LYRM2: variants seen among roughly 807,000 people sequenced by gnomAD.
LYRM2 encodes LYR motif containing 2.
Under a neutral mutation model 11.6 loss-of-function variants are expected in LYRM2, and 8 were observed. The ratio of observed to expected loss-of-function variants is 0.69; its 90% CI spans 0.40 to 1.24. LYRM2 has a LOEUF of 1.24. LYRM2 is among the 50% of genes most tolerant of loss of function. The pLI, the probability that LYRM2 is intolerant of heterozygous loss-of-function variation, is 0.01. For synonymous variants in LYRM2, 30 were observed against 36.4 expected, an observed-to-expected ratio of 0.83 and a Z score of 0.63; for missense variants, 117 against 102.9, an observed-to-expected ratio of 1.14 and a Z score of -0.59.
chr6:89,637,980 T>G (rs527647342), intron 1 of LYRM2, 98 bp from the exon 2 acceptor site: 1 of 1,240,940 alleles, frequency 8.1e-7, no homozygotes, highest in Non-Finnish European at 1.1e-6. Context: ...GTACTTCTCG[T>G]TGGTCAATTT....
Position 89,637,852 on chromosome 6 carries a change from AGAG to A in LYRM2, c.73_75del (p.Leu25del), listed in dbSNP as rs764905689. The A allele has an allele frequency of 1.7e-5, 27 of 1,614,026 alleles. No homozygotes were observed. Among genetic ancestry groups the A allele is most frequent in the African/African-American group, 2.7e-5 (2 of 74,930 alleles). On this transcript the variant is annotated inframe_deletion, in exon 2 of 3. Coordinates refer to ENST00000523377, the MANE Select transcript of LYRM2 (RefSeq NM_020466.5). ...CGAATTGTTTGCAAAATCCTTCTGT[AGAG>A]GAGAAGAACTTGTTGCCTTCTTACG...
chr6:89,638,543 C>T, intron 1 of LYRM2, 129 bp downstream of exon 1: 1 of 1,577,912 alleles, frequency 6.3e-7, no homozygotes, highest in Non-Finnish European at 8.6e-7. Context: ...CCGCAGGCAT[C>T]GGGCCAATCT....
chr6:89,636,180 T>G lies in LYRM2; in HGVS notation c.*1093A>C, dbSNP rs1807997574. 1.3e-5 allele frequency: 2 copies of G among 152,218 alleles called. No individual in the cohort carries two copies. Among genetic ancestry groups the G allele is most frequent in the Admixed American group, 1.3e-4 (2 of 15,282 alleles). The allele number at this position is 152,218 out of a possible 1,614,324, so 9.4% of individuals were successfully genotyped here. On this transcript the variant is annotated 3_prime_UTR_variant, in exon 3 of 3. Transcript: ENST00000523377. The stretch of plus-strand genomic sequence containing the variant: ...TACAATTCATACCTTACATTTAAAA[T>G]GTACAGTTCAGTGGATTTGAATATA...
intron 2 of LYRM2, 79 bp downstream of exon 2, chr6:89,637,663 G>A: frequency 7.0e-7 from 1 of 1,424,436 alleles, no homozygotes; most frequent in Non-Finnish European, 9.6e-7. Context: ...ATTCCAAGAT[G>A]TCTGCTAAAC....
Position 89,638,732 on chromosome 6 carries a change from G to T in LYRM2, c.-16C>A, listed in dbSNP as rs772691828. On this transcript the variant is annotated 5_prime_UTR_variant, in exon 1 of 3. Transcript: ENST00000523377. Reference sequence around the variant, plus strand: ...AAGCAGCCATGTCCACCAGAGGTCCGCCGGAGCCTCAGCGCGCAGGAGCGG... The same window carrying T: ...AAGCAGCCATGTCCACCAGAGGTCCTCCGGAGCCTCAGCGCGCAGGAGCGG... 1.9e-6 allele frequency: 3 copies of T among 1,613,840 alleles called. No homozygotes were observed. In the East Asian group the frequency reaches 6.7e-5, roughly 36 times the overall value.
At position 89,633,053 on chromosome 6, in the gene LYRM2, T is replaced by G. The variant is rs1190662513; in HGVS notation, c.*4220A>C. 5 of 152,320 alleles carry G rather than the reference T, an allele frequency of 3.3e-5. No individual in the cohort carries two copies. Among genetic ancestry groups the G allele is most frequent in the Admixed American group, 3.3e-4 (5 of 15,300 alleles). 9.4% of individuals were successfully genotyped at this position (152,320 alleles called of 1,614,324 possible). A position where few individuals can be genotyped will look rare whatever the true frequency, so the allele number is the denominator to read the frequency against. On this transcript the variant is annotated 3_prime_UTR_variant, in exon 3 of 3. Transcript: ENST00000523377. ...GAGTGCTTTGGTGGGAGTATTTTGA[T>G]TACCTCCTACCCATCAGAAGCAGGC...
In LYRM2 at chr6:89,634,327, G is replaced by A. The variant is rs1375620946; in HGVS notation, c.*2946C>T. The A allele has an allele frequency of 5.9e-5, 9 of 151,662 alleles. No homozygotes were observed. The South Asian group carries it at 8.4e-4, about 14-fold the overall frequency. The allele number at this position is 151,662 out of a possible 1,614,324, so 9.4% of individuals were successfully genotyped here. On this transcript the variant is annotated 3_prime_UTR_variant, in exon 3 of 3. Transcript: ENST00000523377. ...GAGAAATACTCTTTCCCTTTGATAC[G>A]ACTATAATATTATAAACAGCAAGGA...
chr6:89,638,164 C>G (rs565445135), intron 1 of LYRM2: 7 of 659,188 alleles, frequency 1.1e-5, no homozygotes, highest in Non-Finnish European at 1.5e-5. Context: ...GAGAGTGAGG[C>G]CCTGTCTCAA....
At position 89,637,268 on chromosome 6, in the gene LYRM2, T is replaced by C; in HGVS notation, c.*5A>G. The C allele has an allele frequency of 2.2e-6, 3 of 1,347,048 alleles. No homozygotes were observed. Among genetic ancestry groups the C allele is most frequent in the Non-Finnish European group, 2.1e-6 (2 of 939,886 alleles). 83.4% of individuals were successfully genotyped at this position (1,347,048 alleles called of 1,614,324 possible). On this transcript the variant is annotated 3_prime_UTR_variant, in exon 3 of 3. Coordinates refer to ENST00000523377, the MANE Select transcript of LYRM2 (RefSeq NM_020466.5). Reference sequence around the variant, plus strand: ...CTTTGAAAATCCTTCAGAATAATGCTATAGTTAAGATTTTGCTAAAGCAAG... The same window carrying C: ...CTTTGAAAATCCTTCAGAATAATGCCATAGTTAAGATTTTGCTAAAGCAAG...
rs1807937499 is a variant in LYRM2 at position 89,634,764 on chromosome 6, G to A, written c.*2509C>T. 1 of 152,226 alleles carries A rather than the reference G, an allele frequency of 6.6e-6. No homozygotes were observed. Among genetic ancestry groups the A allele is most frequent in the African/African-American group, 2.4e-5 (1 of 41,446 alleles). 9.4% of individuals were successfully genotyped at this position (152,226 alleles called of 1,614,324 possible). On this transcript the variant is annotated 3_prime_UTR_variant, in exon 3 of 3. Transcript: ENST00000523377. Reference sequence around the variant, plus strand: ...ACATCTATGGCAATGCTTGTACCATGAATTTAAAACTTCTAACTTGATGGC... The same window carrying A: ...ACATCTATGGCAATGCTTGTACCATAAATTTAAAACTTCTAACTTGATGGC...
In LYRM2 at chr6:89,636,684, T is replaced by TC. The variant is rs1172721615; in HGVS notation, c.*588_*589insG. Reference sequence around the variant, plus strand: ...GTGAATGTGAATCTCAGGGTTGTTTTTTTTTTTTTTTTTTAGAGACTGTCT... The same window carrying TC: ...GTGAATGTGAATCTCAGGGTTGTTTTCTTTTTTTTTTTTTTAGAGACTGTCT... On this transcript the variant is annotated 3_prime_UTR_variant, in exon 3 of 3. Transcript: ENST00000523377. 1 of 151,164 alleles carries TC rather than the reference T, an allele frequency of 6.6e-6. No individual in the cohort carries two copies. The highest frequency in any genetic ancestry group is 1.5e-5 in the Non-Finnish European group (1 of 67,720). 9.4% of individuals were successfully genotyped at this position (151,164 alleles called of 1,614,324 possible).
rs376604264 is a variant in LYRM2 at position 89,637,277 on chromosome 6, G to T, written c.263C>A (p.Ser88Tyr). Residue 88 changes from serine (S) to tyrosine (Y), a missense_variant, in exon 3 of 3, where the codon TCT becomes TAT. By Grantham distance (144) the Ser-to-Tyr change is moderately radical (BLOSUM62 -2). Coordinates refer to ENST00000523377, the MANE Select transcript of LYRM2 (RefSeq NM_020466.5). ...TCCTTCAGAATAATGCTATAGTTAA[G>T]ATTTTGCTAAAGCAAGTGTTTTTTC... ...ELEKTLALAK[S>Y] 6.6e-5 allele frequency: 97 copies of T among 1,470,336 alleles called. No homozygotes were observed. The highest frequency in any genetic ancestry group is 8.5e-5 in the Non-Finnish European group (89 of 1,051,284). 91.1% of individuals were successfully genotyped at this position (1,470,336 alleles called of 1,614,324 possible). A position where few individuals can be genotyped will look rare whatever the true frequency, so the allele number is the denominator to read the frequency against.
In LYRM2 at chr6:89,638,613, A is replaced by T. The variant is rs1453995456; in HGVS notation, c.45+59T>A. The T allele has an allele frequency of 1.9e-6, 3 of 1,612,184 alleles. No individual in the cohort carries two copies. In the East Asian group the frequency reaches 6.7e-5, roughly 36 times the overall value. On this transcript the variant is annotated intron_variant, in intron 1 of 2. Transcript: ENST00000523377. ...CCCGCCCCGTTGGGGATAGGGACAG[A>T]TGGAGAATCCAGCTCAGACCCAGGT...
At position 89,632,678 on chromosome 6, in the gene LYRM2, TCAA is replaced by T. The variant is rs1807642474; in HGVS notation, c.*4592_*4594del. 1 of 152,246 alleles carries T rather than the reference TCAA, an allele frequency of 6.6e-6. No homozygotes were observed. Among genetic ancestry groups the T allele is most frequent in the South Asian group, 2.1e-4 (1 of 4,836 alleles). 9.4% of individuals were successfully genotyped at this position (152,246 alleles called of 1,614,324 possible). A position where few individuals can be genotyped will look rare whatever the true frequency, so the allele number is the denominator to read the frequency against. The stretch of plus-strand genomic sequence containing the variant: ...ATGTGTTTGGGAGCTTGTCTTGTTC[TCAA>T]CTACTACGCAGGTAGACAGTCTTCC... On this transcript the variant is annotated 3_prime_UTR_variant, in exon 3 of 3. Coordinates refer to ENST00000523377, the MANE Select transcript of LYRM2 (RefSeq NM_020466.5).
Position 89,634,106 on chromosome 6 carries a change from A to G in LYRM2, c.*3167T>C, listed in dbSNP as rs1311811460. ...GGAAGGACAAAACATCATTTGCAAT[A>G]GTTAAAGGTTATGCAAGGCAAGGCA... On this transcript the variant is annotated 3_prime_UTR_variant, in exon 3 of 3. Transcript: ENST00000523377. 6.6e-6 allele frequency: 1 copy of G among 152,264 alleles called. No individual in the cohort carries two copies. The highest frequency in any genetic ancestry group is 1.5e-5 in the Non-Finnish European group (1 of 68,042). 9.4% of individuals were successfully genotyped at this position (152,264 alleles called of 1,614,324 possible). A position where few individuals can be genotyped will look rare whatever the true frequency, so the allele number is the denominator to read the frequency against.
chr6:89,637,745 T>C lies in LYRM2; in HGVS notation c.183A>G (p.Glu61=), dbSNP rs768340009. 2 of 1,613,976 alleles carry C rather than the reference T, an allele frequency of 1.2e-6. No individual in the cohort carries two copies. The highest frequency in any genetic ancestry group is 2.2e-5 in the South Asian group (2 of 91,076). ...EEFRRNKSAT[E]EDTIRMMITQ... is the part of the protein sequence containing the mutation. ...CTCACCATGATTTTGTTCTCACCTCTTCGGTGGCACTTTTGTTTCTTCTGA... is the reference window on the plus strand; with the variant it reads ...CTCACCATGATTTTGTTCTCACCTCCTCGGTGGCACTTTTGTTTCTTCTGA... The change falls in exon 2 of 3, where the codon GAA becomes GAG. Residue 61 remains glutamate, a synonymous_variant. Transcript: ENST00000523377.
rs1183295730 is a variant in LYRM2 at position 89,635,504 on chromosome 6, A to C, written c.*1769T>G. 3.9e-5 allele frequency: 6 copies of C among 152,392 alleles called. No individual in the cohort carries two copies. 9.4% of individuals were successfully genotyped at this position (152,392 alleles called of 1,614,324 possible). On this transcript the variant is annotated 3_prime_UTR_variant, in exon 3 of 3. Transcript: ENST00000523377. Reference sequence around the variant, plus strand: ...GAGGTGGACCCTGACAGTCCAGGTCATTAACATCCACATTCAGTTGATGCC... The same window carrying C: ...GAGGTGGACCCTGACAGTCCAGGTCCTTAACATCCACATTCAGTTGATGCC...
In LYRM2 at chr6:89,632,423, T is replaced by C. The variant is rs1177201525; in HGVS notation, c.*4850A>G. On this transcript the variant is annotated 3_prime_UTR_variant, in exon 3 of 3. Coordinates refer to ENST00000523377, the MANE Select transcript of LYRM2 (RefSeq NM_020466.5). ...ACCTGAATATGGAATGAATTTGATG[T>C]TTTTTATTTTGTTGAGACAGGGTCT... 6.6e-6 allele frequency: 1 copy of C among 152,128 alleles called. No individual in the cohort carries two copies. The highest frequency in any genetic ancestry group is 1.5e-5 in the Non-Finnish European group (1 of 68,042). The allele number at this position is 152,128 out of a possible 1,614,324, so 9.4% of individuals were successfully genotyped here.
In LYRM2 at chr6:89,637,295, G is replaced by A. The variant is rs1808032073; in HGVS notation, c.245C>T (p.Thr82Ile). Reference sequence around the variant, plus strand: ...TAGTTAAGATTTTGCTAAAGCAAGTGTTTTTTCTAACTCCTTGAGCTGCAT... The same window carrying A: ...TAGTTAAGATTTTGCTAAAGCAAGTATTTTTTCTAACTCCTTGAGCTGCAT... The part of the protein sequence containing the change: ...GNMQLKELEK[T>I]LALAKS Residue 82 changes from threonine to isoleucine, a missense_variant, in exon 3 of 3, where the codon ACA (threonine) becomes ATA (isoleucine). Transcript: ENST00000523377. 1 of 1,585,072 alleles carries A rather than the reference G, an allele frequency of 6.3e-7. No individual in the cohort carries two copies. Among genetic ancestry groups the A allele is most frequent in the Non-Finnish European group, 8.7e-7 (1 of 1,154,304 alleles).
Sources: gnomAD v4.1 joint callset for allele counts on GRCh38, gnomAD v4.1.1 for gene constraint, MANE v1.5 for transcripts, NCBI Gene and HGNC (gene_info 2026-07-23, HGNC 2026-07-21) for gene names.